The following TMPRSS2 variants were observed in gnomAD, a reference collection of about 807,000 sequenced individuals.
TMPRSS2 encodes the protein transmembrane protease serine 2.
A neutral mutation model predicts 67.4 loss-of-function variants in TMPRSS2; 59 were observed. The ratio of observed to expected loss-of-function variants is 0.88; its 90% confidence interval spans 0.71 to 1.09. The LOEUF (loss-of-function observed/expected upper bound fraction) is 1.09, where lower values mean the gene tolerates loss of function less well. TMPRSS2 is among the 50% of genes least tolerant of loss of function. The pLI is 0.00. For missense variants in TMPRSS2, 668 were observed against 642.7 expected (o/e 1.04, Z -0.43); for synonymous variants, 257 against 257.0 (o/e 1.00, Z 0.00).
intron 1 of TMPRSS2, among the ~76,000 whole-genome samples, chr21:41,507,311 A>C (rs1335243457): frequency 6.6e-6 from 1 of 151,964 alleles, no homozygotes; most frequent in Non-Finnish European, 1.5e-5. Context: ...CCTTCCCCCC[A>C]ACCCGGCACG....
chr21:41,500,092 GC>G (rs2091413942), intron 1 of TMPRSS2, among the ~76,000 whole-genome samples: 4 of 152,154 alleles, frequency 2.6e-5, no homozygotes, highest in Admixed American at 2.6e-4. Context: ...CAGCGGTTCA[GC>G]CCCTGACCTC....
At chr21:41,505,500 T>C (rs774736951) in intron 1 of TMPRSS2, among the ~76,000 whole-genome samples, 2 of 152,144 alleles carry the variant, frequency 1.3e-5, no homozygotes, top group African/African-American at 2.4e-5. Flanking sequence ...TACAGGACAT[T>C]TGCACCAGCG....
At chr21:41,471,752 CAACAT>C in intron 10 of TMPRSS2, 49 bp downstream of exon 10, 1 of 1,517,822 alleles carries the variant, frequency 6.6e-7, no homozygotes, top group South Asian at 1.3e-5. Flanking sequence ...CATTTCCAAT[CAACAT>C]CTCTTTAAGA....
rs566457884 is a variant in TMPRSS2 at position 41,491,515 on chromosome 21, C to T, written c.239-1922G>A. 1.1e-3 allele frequency among the ~76,000 whole-genome samples: 161 copies of T among 152,324 alleles called. 1 individual carries two copies. The highest frequency in any genetic ancestry group is 3.7e-3 in the African/African-American group (155 of 41,574). ...CTGGTCTGAGGGCCATGCCCAGGCA[C>T]ACGATGTTCTCATAACTCGGCTGCA... On this transcript the variant is annotated intron_variant, in intron 3 of 13. Transcript: ENST00000332149.
At chr21:41,499,249 C>T (rs2091407206) in intron 1 of TMPRSS2, among the ~76,000 whole-genome samples, 1 of 152,148 alleles carries the variant, frequency 6.6e-6, no homozygotes, top group Non-Finnish European at 1.5e-5. Context: ...TGCTTGTTGT[C>T]CTTTGTGAAC....
chr21:41,484,556 A>G (rs907134758), intron 5 of TMPRSS2, among the ~76,000 whole-genome samples: 3 of 152,176 alleles, frequency 2.0e-5, no homozygotes, highest in African/African-American at 7.2e-5. Context: ...AGTGCACCCT[A>G]TGCCTGTTCT....
At chr21:41,489,383 G>A (rs1330296886) in intron 4 of TMPRSS2, 124 bp downstream of exon 4, 11 of 671,172 alleles carry the variant, frequency 1.6e-5, no homozygotes, top group Middle Eastern at 3.3e-4. Context: ...AGACAGCCTC[G>A]TTATGTAAGA....
chr21:41,481,985 C>T (rs1197994040), intron 5 of TMPRSS2, among the ~76,000 whole-genome samples: 2 of 151,952 alleles, frequency 1.3e-5, no homozygotes, highest in African/African-American at 4.8e-5. Flanking sequence ...TGCTTGAACC[C>T]AGGAGGTAAA....
At chr21:41,498,503 T>C (rs2146495643) in intron 1 of TMPRSS2, among the ~76,000 whole-genome samples, 1 of 152,194 alleles carries the variant, frequency 6.6e-6, no homozygotes, top group African/African-American at 2.4e-5. Flanking sequence ...AGGAACACAC[T>C]CAGTGACTCA....
At chr21:41,491,043 A>G (rs1394031764) in intron 3 of TMPRSS2, among the ~76,000 whole-genome samples, 1 of 151,788 alleles carries the variant, frequency 6.6e-6, no homozygotes, top group Admixed American at 6.6e-5. Context: ...TGATAATTCT[A>G]CCATCACTCT....
At chr21:41,480,693 C>A in intron 5 of TMPRSS2, 91 bp from the exon 6 acceptor site, 1 of 1,528,550 alleles carries the variant, frequency 6.5e-7, no homozygotes, top group Non-Finnish European at 8.8e-7. Context: ...GGCTGAAGTG[C>A]AGTGGTCTGA....
rs896564608 is a variant in TMPRSS2, at chr21:41,465,454, A to G, written c.*688T>C. 8.6e-6 allele frequency: 2 copies of G among 233,334 alleles called. No homozygotes were observed. The highest frequency in any genetic ancestry group is 1.7e-5 in the Non-Finnish European group (2 of 118,106). 14.5% of individuals were successfully genotyped at this position (233,334 alleles called of 1,614,324 possible). A position where few individuals can be genotyped will look rare whatever the true frequency, so the allele number is the denominator to read the frequency against. On this transcript the variant is annotated 3_prime_UTR_variant, in exon 14 of 14. Transcript: ENST00000332149. ...GTCTCCCTCCCAGGAGCCCCACCCA[A>G]TGTGCAGGTGGAGACCTGCACCAGG...
intron 3 of TMPRSS2, among the ~76,000 whole-genome samples, chr21:41,491,020 T>C (rs1018844979): frequency 3.3e-5 from 5 of 152,172 alleles, no homozygotes; most frequent in African/African-American, 7.2e-5. Flanking sequence ...CCTCTCTCTT[T>C]GTGACAACAT....
At chr21:41,481,522 T>C (rs1481709650) in intron 5 of TMPRSS2, among the ~76,000 whole-genome samples, 2 of 152,118 alleles carry the variant, frequency 1.3e-5, no homozygotes, top group Non-Finnish European at 2.9e-5. Flanking sequence ...GGGGTTTCTT[T>C]ATGAGCTGAT....
chr21:41,470,753 G>A lies in TMPRSS2; in HGVS notation c.1076-10C>T, dbSNP rs373734944. On this transcript the variant is annotated splice_polypyrimidine_tract_variant and intron_variant, in intron 10 of 13. Coordinates refer to ENST00000332149, the MANE Select transcript of TMPRSS2 (RefSeq NM_005656.4). ...ACTGGTTTCACTAGGTCTGTTTCAA[G>A]AAGAGAAAACACAGTGAGCCAGGCG... 9 of 1,612,218 alleles carry A rather than the reference G, an allele frequency of 5.6e-6. No homozygotes were observed. The highest frequency in any genetic ancestry group is 4.0e-5 in the African/African-American group (3 of 74,790).
intron 5 of TMPRSS2, chr21:41,486,394 G>A (rs1366163810): frequency 1.3e-5 from 2 of 152,228 alleles, no homozygotes; most frequent in East Asian, 3.9e-4. Flanking sequence ...CCTCCTCCCA[G>A]GTTCAAGTGA....
At chr21:41,484,469 C>T (rs955610334) in intron 5 of TMPRSS2, among the ~76,000 whole-genome samples, 49 of 152,084 alleles carry the variant, frequency 3.2e-4, no homozygotes, top group African/African-American at 1.1e-3. Flanking sequence ...TTCCATGGGA[C>T]GGGTCATATT....
chr21:41,477,750 A>G (rs1040422389), intron 7 of TMPRSS2, among the ~76,000 whole-genome samples: 2 of 152,080 alleles, frequency 1.3e-5, no homozygotes, highest in Non-Finnish European at 2.9e-5. Flanking sequence ...TAAGGTCGGT[A>G]GGGATAGCCC....
At chr21:41,479,415 C>A in intron 6 of TMPRSS2, 133 bp from the exon 7 acceptor site, 1 of 662,172 alleles carries the variant, frequency 1.5e-6, no homozygotes, top group Non-Finnish European at 2.5e-6. Flanking sequence ...AAAAAAATCA[C>A]ACGTTCTAAC....
Sources: allele counts gnomAD v4.1 joint callset (sites outside exome capture counted in the v4.1 genomes callset), GRCh38; gene constraint gnomAD v4.1.1; transcripts MANE v1.5; gene names NCBI Gene and HGNC (gene_info 2026-07-23, HGNC 2026-07-21).